The following PCDHGA8 variants were observed in gnomAD, a reference collection of about 807,000 sequenced individuals.
PCDHGA8 encodes protocadherin gamma subfamily A, 8, also known as protocadherin gamma-A8.
In PCDHGA8, 45 loss-of-function variants were observed where a neutral mutation model predicts 59.2. That is an observed-to-expected ratio of 0.76 (90% CI 0.60 to 0.98). PCDHGA8 has a LOEUF of 0.98. Ranked by LOEUF, PCDHGA8 falls within the 50% of genes least tolerant of loss-of-function variation. The probability of loss-of-function intolerance (pLI) is 0.00; values close to 1 mark genes in which losing one functional copy is unlikely to be tolerated. For missense variants in PCDHGA8, 1,257 were observed against 1,196.2 expected, an observed-to-expected ratio of 1.05 and a Z score of -0.75; for synonymous variants, 531 against 519.0, an observed-to-expected ratio of 1.02 and a Z score of -0.32.
rs1218837884 is a variant in PCDHGA8 at position 141,403,668 on chromosome 5, C to A, written c.2424+8431C>A. On this transcript the variant is annotated intron_variant, in intron 1 of 3. Coordinates refer to ENST00000398604, the MANE Select transcript of PCDHGA8 (RefSeq NM_032088.2). ...ACAGTGTTGGATACAAATGATAATG[C>A]CCCGGTTTTTGCTCAACGGATTTAC... 1.9e-6 allele frequency: 3 copies of A among 1,613,772 alleles called. No individual in the cohort carries two copies. In the African/African-American group the frequency reaches 4.0e-5, roughly 22 times the overall value.
At chr5:141,483,980 G>A (rs1379963326) in intron 1 of PCDHGA8, among the ~76,000 whole-genome samples, 4 of 148,294 alleles carry the variant, frequency 2.7e-5, no homozygotes, top group Non-Finnish European at 5.9e-5. Flanking sequence ...CAAGGGAGTA[G>A]CTAGGTTGCT....
chr5:141,473,017 A>AGAAG (rs1484773075), intron 1 of PCDHGA8, among the ~76,000 whole-genome samples: 3 of 151,764 alleles, frequency 2.0e-5, no homozygotes, highest in African/African-American at 4.8e-5. Flanking sequence ...AGAAAAAGAA[A>AGAAG]GAAGGAAGGA....
At chr5:141,428,004 G>C in intron 1 of PCDHGA8, 1 of 1,601,732 alleles carries the variant, frequency 6.2e-7, no homozygotes, top group East Asian at 2.2e-5. Context: ...CGCACTCTTC[G>C]ATATAGTGCC....
Position 141,432,036 on chromosome 5 carries a change from AC to A in PCDHGA8, c.2424+36801del, listed in dbSNP as rs1419691535. The A allele has an allele frequency of 6.2e-7, 1 of 1,614,218 alleles. No individual in the cohort carries two copies. The highest frequency in any genetic ancestry group is 1.3e-5 in the African/African-American group (1 of 75,048). On this transcript the variant is annotated intron_variant, in intron 1 of 3. Coordinates refer to ENST00000398604, the MANE Select transcript of PCDHGA8 (RefSeq NM_032088.2). This position sits in a 1 kb window ranked among gnomAD's most constrained non-coding sequence, Gnocchi z 6.0. ...TACAACATCACAGTGACCGCCACTG[AC>A]CGGGGAACCCCGCCCCTATCCACGG...
chr5:141,478,102 C>T, intron 1 of PCDHGA8: 1 of 1,614,126 alleles, frequency 6.2e-7, no homozygotes, highest in South Asian at 1.1e-5. Flanking sequence ...CTGCTACCCT[C>T]ACTGTGTCAG....
intron 1 of PCDHGA8, chr5:141,410,318 G>A: frequency 6.2e-7 from 1 of 1,613,982 alleles, no homozygotes; most frequent in Non-Finnish European, 8.5e-7. Flanking sequence ...CTTCCTCCTC[G>A]CCGTGATTCT....
Position 141,511,030 on chromosome 5 carries a change from C to A in PCDHGA8, c.2656C>A (p.Gln886Lys). 9 of 1,614,224 alleles carry A rather than the reference C, an allele frequency of 5.6e-6. No individual in the cohort carries two copies. Among genetic ancestry groups the A allele is most frequent in the Non-Finnish European group, 7.6e-6 (9 of 1,180,032 alleles). Residue 886 changes from glutamine (Q) to lysine (K), a missense_variant, in exon 4 of 4, where the codon CAG (glutamine) becomes AAG (lysine). Transcript: ENST00000398604. ...SARYGPQFTLQHVPDYRQNVY... is the reference protein window; with the variant it reads ...SARYGPQFTLKHVPDYRQNVY... ...CCGCTACGGACCCCAGTTCACCCTGCAGCACGTGCCCGACTACCGCCAGAA... is the reference window on the plus strand; with the variant it reads ...CCGCTACGGACCCCAGTTCACCCTGAAGCACGTGCCCGACTACCGCCAGAA...
intron 1 of PCDHGA8, among the ~76,000 whole-genome samples, chr5:141,396,846 C>T (rs2093443938): frequency 6.6e-6 from 1 of 152,166 alleles, no homozygotes; most frequent in Admixed American, 6.5e-5. Flanking sequence ...TGGGAGTTAA[C>T]TTCATAGTTT....
intron 1 of PCDHGA8, chr5:141,400,024 G>C (rs2093943300): frequency 6.2e-7 from 1 of 1,612,894 alleles, no homozygotes; most frequent in Non-Finnish European, 8.5e-7. Flanking sequence ...CGACAGGGAC[G>C]CGGCCCGCCA....
chr5:141,413,441 T>A, intron 1 of PCDHGA8: 1 of 1,614,056 alleles, frequency 6.2e-7, no homozygotes, highest in South Asian at 1.1e-5. Context: ...GGCAGCTTGA[T>A]CACCGCGGGC....
Position 141,505,374 on chromosome 5 carries a change from C to T in PCDHGA8, c.2484-19C>T. The T allele has an allele frequency of 2.5e-6, 4 of 1,614,004 alleles. No homozygotes were observed. Among genetic ancestry groups the T allele is most frequent in the Non-Finnish European group, 2.5e-6 (3 of 1,179,944 alleles). On this transcript the variant is annotated intron_variant, in intron 2 of 3. Coordinates refer to ENST00000398604, the MANE Select transcript of PCDHGA8 (RefSeq NM_032088.2). Reference sequence around the variant, plus strand: ...TGCCGGCCTGGGAGTCTGTGCTCACCATCCTACTCTCTCCCCAGCTCCCAA... The same window carrying T: ...TGCCGGCCTGGGAGTCTGTGCTCACTATCCTACTCTCTCCCCAGCTCCCAA...
chr5:141,431,513 C>G lies in PCDHGA8; in HGVS notation c.2424+36276C>G. ...TCAGCCCGAGTACCGCGCGAGCGTT[C>G]CGGAGAATCTGGCCTTGGGCACGCA... On this transcript the variant is annotated intron_variant, in intron 1 of 3. Transcript: ENST00000398604. The surrounding 1 kb of genome is among the most constrained non-coding windows in gnomAD (Gnocchi z 4.8). 6.2e-7 allele frequency: 1 copy of G among 1,614,022 alleles called. No homozygotes were observed. Among genetic ancestry groups the G allele is most frequent in the South Asian group, 1.1e-5 (1 of 91,088 alleles).
intron 1 of PCDHGA8, chr5:141,399,691 C>A: frequency 6.2e-7 from 1 of 1,613,480 alleles, no homozygotes; most frequent in Non-Finnish European, 8.5e-7. Context: ...CGAGCAGCTG[C>A]GCACCTTCGA....
chr5:141,413,081 C>A, intron 1 of PCDHGA8: 2 of 1,339,424 alleles, frequency 1.5e-6, no homozygotes, highest in Non-Finnish European at 2.0e-6. Context: ...GCCCAGGCTA[C>A]AGAGACACCC....
chr5:141,441,923 C>A, intron 1 of PCDHGA8: 2 of 351,136 alleles, frequency 5.7e-6, no homozygotes, highest in Non-Finnish European at 5.5e-6. Context: ...AGACACAATG[C>A]GTGGCTGTCC....
intron 3 of PCDHGA8, 126 bp downstream of exon 3, chr5:141,505,607 T>A: frequency 6.5e-7 from 1 of 1,528,684 alleles, no homozygotes. Flanking sequence ...TCGGCAGGTC[T>A]GAAAGGACCC....
chr5:141,441,835 G>A (rs1423189098), intron 1 of PCDHGA8: 9 of 353,636 alleles, frequency 2.5e-5, no homozygotes, highest in Admixed American at 2.1e-4. Flanking sequence ...CAATGGCTTC[G>A]CGCTCTTGGA....
intron 1 of PCDHGA8, among the ~76,000 whole-genome samples, chr5:141,481,184 C>A (rs2099533291): frequency 6.6e-6 from 1 of 152,146 alleles, no homozygotes; most frequent in African/African-American, 2.4e-5. Flanking sequence ...CTTTATTGGG[C>A]CAGGCCCAAT....
Position 141,403,510 on chromosome 5 carries a change from C to T in PCDHGA8, c.2424+8273C>T, listed in dbSNP as rs201146573. ...TCTCCCTGAACGTGCAGACTGGAGA[C>T]AATGGAGCCATAAACCCAGAGCTGG... On this transcript the variant is annotated intron_variant, in intron 1 of 3. Transcript: ENST00000398604. 9.2e-4 allele frequency: 1,478 copies of T among 1,614,022 alleles called. 1 individual carries two copies. Among genetic ancestry groups the T allele is most frequent in the Non-Finnish European group, 1.2e-3 (1,414 of 1,179,888 alleles).
Sources: gnomAD v4.1 joint callset for allele counts (sites outside exome capture counted in the v4.1 genomes callset) on GRCh38, gnomAD v4.1.1 for gene constraint, Gnocchi (gnomAD v3.1) non-coding constraint, MANE v1.5 for transcripts, NCBI Gene and HGNC (gene_info 2026-07-23, HGNC 2026-07-21) for gene names.